The following MAN1A2 variants were observed in gnomAD, a reference collection of about 807,000 sequenced individuals.
MAN1A2 encodes mannosidase alpha class 1A member 2, also known as mannosyl-oligosaccharide 1,2-alpha-mannosidase IB.
A neutral mutation model predicts 75.7 loss-of-function variants in MAN1A2; 26 were observed. The ratio of observed to expected loss-of-function variants is 0.34; its 90% confidence interval spans 0.25 to 0.48. The LOEUF (loss-of-function observed/expected upper bound fraction) is 0.48, where lower values mean the gene tolerates loss of function less well. Ranked by LOEUF, MAN1A2 falls within the 20% of genes least tolerant of loss-of-function variation. The pLI, the probability that MAN1A2 is intolerant of heterozygous loss-of-function variation, is 0.99. For synonymous variants in MAN1A2, 247 were observed against 264.6 expected (o/e 0.93, Z 0.65); for missense variants, 562 against 775.5 (o/e 0.72, Z 3.27).
Position 117,525,885 on chromosome 1 carries a change from A to G in MAN1A2, c.*2928A>G, listed in dbSNP as rs1652002441. 6.6e-6 allele frequency: 1 copy of G among 151,740 alleles called. No homozygotes were observed. The highest frequency in any genetic ancestry group is 1.5e-5 in the Non-Finnish European group (1 of 67,794). The allele number at this position is 151,740 out of a possible 1,614,324, so 9.4% of individuals were successfully genotyped here. A position where few individuals can be genotyped will look rare whatever the true frequency, so the allele number is the denominator to read the frequency against. On this transcript the variant is annotated 3_prime_UTR_variant, in exon 13 of 13. Coordinates refer to ENST00000356554, the MANE Select transcript of MAN1A2 (RefSeq NM_006699.5). Reference sequence around the variant, plus strand: ...GTTGCACATTTTGTATCTCTCTAACATCAGCGTATTCCTGACTTTAAGCAG... The same window carrying G: ...GTTGCACATTTTGTATCTCTCTAACGTCAGCGTATTCCTGACTTTAAGCAG...
intron 5 of MAN1A2, among the ~76,000 whole-genome samples, chr1:117,430,008 CAGGGCGGCTGGCCG>C (rs1557946844): frequency 2.0e-5 from 1 of 49,874 alleles, no homozygotes. Flanking sequence ...CCCTCCCGGA[CAGGGCGGCTGGCCG>C]GGTGGGGGGC....
chr1:117,398,542 C>G (rs187770379), intron 1 of MAN1A2, among the ~76,000 whole-genome samples: 2 of 151,890 alleles, frequency 1.3e-5, no homozygotes, highest in South Asian at 2.1e-4. Flanking sequence ...GGCGTGGTGG[C>G]GTGTGCCTGT....
At chr1:117,396,529 G>C (rs1000796426) in intron 1 of MAN1A2, among the ~76,000 whole-genome samples, 1 of 152,108 alleles carries the variant, frequency 6.6e-6, no homozygotes, top group Non-Finnish European at 1.5e-5. Context: ...CCCCCAGCTG[G>C]AGTAATTTAA....
chr1:117,479,711 G>GAA (rs1278230685), intron 8 of MAN1A2, among the ~76,000 whole-genome samples: 1 of 151,708 alleles, frequency 6.6e-6, no homozygotes, highest in Admixed American at 6.6e-5. Flanking sequence ...TTGAGCTTTG[G>GAA]ATCAGTTTGA....
chr1:117,400,639 C>G (rs1030100360), intron 1 of MAN1A2, among the ~76,000 whole-genome samples: 1 of 151,966 alleles, frequency 6.6e-6, no homozygotes, highest in African/African-American at 2.4e-5. Flanking sequence ...TTCTTTCACT[C>G]GGATAAGAAT....
intron 8 of MAN1A2, among the ~76,000 whole-genome samples, chr1:117,481,246 A>G (rs745548870): frequency 6.6e-6 from 1 of 151,522 alleles, no homozygotes; most frequent in Non-Finnish European, 1.5e-5. Flanking sequence ...CTCTACTTCA[A>G]CTGTTTTTCA....
At chr1:117,512,044 A>G (rs1267190423) in intron 12 of MAN1A2, among the ~76,000 whole-genome samples, 1 of 152,138 alleles carries the variant, frequency 6.6e-6, no homozygotes, top group African/African-American at 2.4e-5. Context: ...GTATATAATA[A>G]GAGTAGGAGG....
At chr1:117,448,444 A>C (rs1352170745) in intron 6 of MAN1A2, among the ~76,000 whole-genome samples, 3 of 152,212 alleles carry the variant, frequency 2.0e-5, no homozygotes, top group Non-Finnish European at 4.4e-5. Context: ...TGGAGATAGC[A>C]GTAAAGGACT....
intron 12 of MAN1A2, among the ~76,000 whole-genome samples, chr1:117,514,414 G>T (rs983919669): frequency 6.6e-6 from 1 of 151,780 alleles, no homozygotes; most frequent in Admixed American, 6.6e-5. Flanking sequence ...GGGGGCCAAA[G>T]GGAGGGGAAA....
intron 4 of MAN1A2, among the ~76,000 whole-genome samples, chr1:117,417,488 A>G (rs531839965): frequency 6.8e-4 from 93 of 137,764 alleles, no homozygotes; most frequent in Non-Finnish European, 1.1e-3. Context: ...CTAGTTTAAC[A>G]TTATACCTTC....
At chr1:117,379,797 A>G (rs146377796) in intron 1 of MAN1A2, among the ~76,000 whole-genome samples, 1 of 152,246 alleles carries the variant, frequency 6.6e-6, no homozygotes, top group East Asian at 1.9e-4. Context: ...CCACACTGTA[A>G]CAGGTAACAG....
At chr1:117,476,252 T>C (rs1650308806) in intron 8 of MAN1A2, among the ~76,000 whole-genome samples, 1 of 152,146 alleles carries the variant, frequency 6.6e-6, no homozygotes, top group South Asian at 2.1e-4. Flanking sequence ...AGATTCTGGA[T>C]ATTAGTGCTT....
intron 8 of MAN1A2, among the ~76,000 whole-genome samples, chr1:117,486,274 C>A (rs948537449): frequency 2.6e-5 from 4 of 151,802 alleles, no homozygotes; most frequent in African/African-American, 7.3e-5. Context: ...GAAGTAGTTA[C>A]CCCAAAAGTT....
Position 117,426,574 on chromosome 1 carries a change from C to A in MAN1A2, c.855+5925C>A, listed in dbSNP as rs918339718. Among the ~76,000 whole-genome samples, 3 of 152,138 alleles carry A rather than the reference C, an allele frequency of 2.0e-5. No homozygotes were observed. In the South Asian group the frequency reaches 6.2e-4, roughly 31 times the overall value. On this transcript the variant is annotated intron_variant, in intron 5 of 12. Coordinates refer to ENST00000356554, the MANE Select transcript of MAN1A2 (RefSeq NM_006699.5). ...ACCTTAAACATCCTCAGAACACTTA[C>A]ATTAGCTTACAGTTGGGCCAATTGA... is the stretch of plus-strand genomic sequence containing the variant.
intron 7 of MAN1A2, among the ~76,000 whole-genome samples, chr1:117,462,607 T>G (rs1018642161): frequency 6.6e-6 from 1 of 152,124 alleles, no homozygotes; most frequent in African/African-American, 2.4e-5. Context: ...ATGTATAGTT[T>G]TGAAAGGAAA....
At chr1:117,430,231 G>C (rs1356821761) in intron 5 of MAN1A2, among the ~76,000 whole-genome samples, 1 of 119,456 alleles carries the variant, frequency 8.4e-6, no homozygotes, top group Non-Finnish European at 1.8e-5. Context: ...CCTCCCTCCC[G>C]GACGGCACGG....
At chr1:117,409,268 C>T (rs1314626684) in intron 3 of MAN1A2, among the ~76,000 whole-genome samples, 1 of 152,064 alleles carries the variant, frequency 6.6e-6, no homozygotes, top group Non-Finnish European at 1.5e-5. Flanking sequence ...TGTAAACTTT[C>T]TAACTACTGC....
At chr1:117,484,942 T>C (rs1021449626) in intron 8 of MAN1A2, among the ~76,000 whole-genome samples, 2 of 151,956 alleles carry the variant, frequency 1.3e-5, no homozygotes, top group African/African-American at 4.8e-5. Context: ...TTGTTGCAAA[T>C]CTTAAAGATA....
intron 6 of MAN1A2, among the ~76,000 whole-genome samples, chr1:117,445,921 T>A (rs1451692201): frequency 6.8e-6 from 1 of 146,388 alleles, no homozygotes; most frequent in Non-Finnish European, 1.5e-5. Context: ...AATTTATATG[T>A]ATACATATAA....
Sources: gnomAD v4.1 joint callset for allele counts (sites outside exome capture counted in the v4.1 genomes callset) on GRCh38, gnomAD v4.1.1 for gene constraint, MANE v1.5 for transcripts, NCBI Gene and HGNC (gene_info 2026-07-23, HGNC 2026-07-21) for gene names.